The following PHC2 variants were observed in gnomAD, a reference collection of about 807,000 sequenced individuals.
PHC2 encodes polyhomeotic-like protein 2.
Under a neutral mutation model 87.4 loss-of-function variants are expected in PHC2, and 29 were observed. The ratio of observed to expected loss-of-function variants is 0.33; its 90% CI spans 0.25 to 0.45. PHC2 has a LOEUF of 0.45. Among genes scored for constraint, PHC2 ranks in the 20% least tolerant of loss-of-function variants. The pLI is 1.00. For synonymous variants in PHC2, 438 were observed against 461.7 expected (o/e 0.95, Z 0.66); for missense variants, 857 against 1,136.7 (o/e 0.75, Z 3.54).
At position 33,349,817 on chromosome 1, in the gene PHC2, G is replaced by A. The variant is rs1012169429; in HGVS notation, c.1558+4584C>T. The A allele has an allele frequency of 4.2e-5, 41 of 976,856 alleles. No homozygotes were observed. The highest frequency in any genetic ancestry group is 4.6e-5 in the Non-Finnish European group (38 of 825,078). 60.5% of individuals were successfully genotyped at this position (976,856 alleles called of 1,614,324 possible). A position where few individuals can be genotyped will look rare whatever the true frequency, so the allele number is the denominator to read the frequency against. On this transcript the variant is annotated intron_variant, in intron 9 of 14. Coordinates refer to ENST00000683057, the MANE Select transcript of PHC2 (RefSeq NM_001385109.1). This position sits in a 1 kb window ranked among gnomAD's most constrained non-coding sequence, Gnocchi z 4.2. ...AGGCCGGGACGGGGGCGCGAGGCCG[G>A]GGCGGGAGCGCGGGCGGCGGCCGGG... is the stretch of plus-strand genomic sequence containing the variant.
At chr1:33,412,059 G>A (rs1008807180) in intron 1 of PHC2, among the ~76,000 whole-genome samples, 1 of 152,150 alleles carries the variant, frequency 6.6e-6, no homozygotes, top group African/African-American at 2.4e-5. Flanking sequence ...CCATTCAATT[G>A]TCTATTCAAT....
chr1:33,418,275 A>T (rs564115877), intron 1 of PHC2, among the ~76,000 whole-genome samples: 61 of 152,224 alleles, frequency 4.0e-4, no homozygotes, highest in Non-Finnish European at 7.8e-4. Context: ...AATTGATGAA[A>T]TGAAAAGCTG....
Position 33,331,254 on chromosome 1 carries a change from C to T in PHC2, c.2006+94G>A, listed in dbSNP as rs1315538220. 3.2e-6 allele frequency: 2 copies of T among 617,262 alleles called. No homozygotes were observed. Among genetic ancestry groups the T allele is most frequent in the Non-Finnish European group, 5.6e-6 (2 of 357,802 alleles). The allele number at this position is 617,262 out of a possible 1,614,324, so 38.2% of individuals were successfully genotyped here. A position where few individuals can be genotyped will look rare whatever the true frequency, so the allele number is the denominator to read the frequency against. On this transcript the variant is annotated intron_variant, in intron 12 of 14. Coordinates refer to ENST00000683057, the MANE Select transcript of PHC2 (RefSeq NM_001385109.1). The surrounding 1 kb of genome is among the most constrained non-coding windows in gnomAD (Gnocchi z 5.2). ...CGAGGAACTAGGAAACTGGAGAAGC[C>T]ACCCCTATGGACCTCCTGGGGTAGA...
chr1:33,325,101 T>TG, intron 14 of PHC2, 82 bp from the exon 15 acceptor site: 9 of 1,284,720 alleles, frequency 7.0e-6, no homozygotes, highest in Non-Finnish European at 8.6e-6. Flanking sequence ...GTTATCTAGA[T>TG]CTAGTTATCT....
At chr1:33,330,681 C>G (rs929588399) in intron 12 of PHC2, among the ~76,000 whole-genome samples, 2 of 152,178 alleles carry the variant, frequency 1.3e-5, no homozygotes, top group Non-Finnish European at 2.9e-5. Flanking sequence ...GAGATTTCTT[C>G]TCTTCTGGGA....
intron 9 of PHC2, among the ~76,000 whole-genome samples, chr1:33,343,043 T>C (rs558071374): frequency 7.9e-5 from 12 of 152,332 alleles, no homozygotes; most frequent in African/African-American, 2.6e-4. Flanking sequence ...TTTCTCCATC[T>C]GTAACAACGA....
At chr1:33,329,362 T>A (rs1053527809) in intron 13 of PHC2, among the ~76,000 whole-genome samples, 2 of 152,156 alleles carry the variant, frequency 1.3e-5, no homozygotes, top group Non-Finnish European at 2.9e-5. Context: ...TGCAATTATC[T>A]TTTTCTAAAC....
intron 1 of PHC2, among the ~76,000 whole-genome samples, chr1:33,414,595 T>C (rs1332970577): frequency 2.6e-5 from 4 of 152,218 alleles, no homozygotes; most frequent in South Asian, 2.1e-4. Flanking sequence ...TGTACAACCA[T>C]GGATCTGCAG....
chr1:33,422,537 C>G (rs1197704522), intron 1 of PHC2, among the ~76,000 whole-genome samples: 1 of 152,208 alleles, frequency 6.6e-6, no homozygotes, highest in African/African-American at 2.4e-5. Flanking sequence ...GCTTTGTTAT[C>G]ATGATCAGAA....
At chr1:33,352,395 C>T (rs1423031147) in intron 9 of PHC2, among the ~76,000 whole-genome samples, 2 of 152,110 alleles carry the variant, frequency 1.3e-5, no homozygotes, top group Non-Finnish European at 2.9e-5. Context: ...TTCTATGCCT[C>T]AGTGGTCTTA....
At chr1:33,388,318 A>ATTT (rs751211305) in intron 1 of PHC2, among the ~76,000 whole-genome samples, 25 of 126,096 alleles carry the variant, frequency 2.0e-4, no homozygotes, top group African/African-American at 4.9e-4. Flanking sequence ...AATGACAGCA[A>ATTT]TTTTTTTTTT....
At chr1:33,416,519 T>C (rs1650213154) in intron 1 of PHC2, among the ~76,000 whole-genome samples, 1 of 140,292 alleles carries the variant, frequency 7.1e-6, no homozygotes, top group Admixed American at 7.8e-5. Flanking sequence ...GAGGTTGCAG[T>C]GAGCCGAGAT....
chr1:33,329,320 C>T (rs1646438396), intron 13 of PHC2, among the ~76,000 whole-genome samples, 174 bp from the exon 14 acceptor site: 2 of 152,186 alleles, frequency 1.3e-5, no homozygotes, highest in Admixed American at 1.3e-4. Context: ...GAGTTAGTCC[C>T]TCTTAGTATT....
chr1:33,328,990 C>G lies in PHC2; in HGVS notation c.2305G>C (p.Asp769His). ...ATATGCATGTCGGGGAGCTCCAGGT[C>G]CCGCTGGCCTTGTCGCCGGCGGGAA... The part of the protein sequence containing the change: ...STSRRRQGQR[D>H]LELPDMHMRD... Residue 769 changes from aspartate to histidine, a missense_variant, in exon 14 of 15, where the codon GAC (aspartate) becomes CAC (histidine). Around this residue, in one of 3 missense-constraint regions of PHC2, gnomAD observed 832 missense variants for 1,081.8 expected, o/e 0.77. Transcript: ENST00000683057. 1 of 1,614,222 alleles carries G rather than the reference C, an allele frequency of 6.2e-7. No homozygotes were observed. Among genetic ancestry groups the G allele is most frequent in the Non-Finnish European group, 8.5e-7 (1 of 1,180,038 alleles).
At chr1:33,388,854 T>C (rs943913089) in intron 1 of PHC2, among the ~76,000 whole-genome samples, 4 of 152,024 alleles carry the variant, frequency 2.6e-5, no homozygotes, top group Non-Finnish European at 4.4e-5. Flanking sequence ...AACTATGAAG[T>C]GGCATAAATC....
rs763601829 is a variant in PHC2 at position 33,355,077 on chromosome 1, C to T, written c.1153G>A (p.Val385Met). 2.5e-6 allele frequency: 4 copies of T among 1,612,692 alleles called. No homozygotes were observed. The highest frequency in any genetic ancestry group is 2.7e-5 in the African/African-American group (2 of 74,896). ...GCCTCTGAGCTGGGCTGGAGGGCCA[C>T]GCTTGGAGAGACTGAGGCGAGCTGG... is the stretch of plus-strand genomic sequence containing the variant. Reference protein sequence around the residue: ...HPQLASVSPSVALQPSSEAHA... With the variant: ...HPQLASVSPSMALQPSSEAHA... Residue 385 changes from valine to methionine, a missense_variant, in exon 8 of 15, where the codon GTG becomes ATG. Coordinates refer to ENST00000683057, the MANE Select transcript of PHC2 (RefSeq NM_001385109.1).
At chr1:33,409,107 CAT>C (rs1649882098) in intron 1 of PHC2, among the ~76,000 whole-genome samples, 1 of 152,258 alleles carries the variant, frequency 6.6e-6, no homozygotes, top group African/African-American at 2.4e-5. Context: ...TGCTGAAAGA[CAT>C]ATAAATTGGG....
chr1:33,403,404 C>A (rs1649629322), intron 1 of PHC2, among the ~76,000 whole-genome samples: 1 of 152,056 alleles, frequency 6.6e-6, no homozygotes, highest in Non-Finnish European at 1.5e-5. Context: ...GGATTACAGG[C>A]GTGAGCCACT....
At chr1:33,430,379 G>A (rs1650857044) in intron 1 of PHC2, among the ~76,000 whole-genome samples, 2 of 152,156 alleles carry the variant, frequency 1.3e-5, no homozygotes, top group African/African-American at 2.4e-5. Flanking sequence ...GCAACCCCCG[G>A]TTCCCTCTGC....
Sources: gnomAD v4.1 joint callset for allele counts (sites outside exome capture counted in the v4.1 genomes callset) on GRCh38, gnomAD v4.1.1 for gene constraint, gnomAD v4.1.1 regional missense constraint, Gnocchi (gnomAD v3.1) non-coding constraint, MANE v1.5 for transcripts, NCBI Gene and HGNC (gene_info 2026-07-23, HGNC 2026-07-21) for gene names.